The following ENAH variants were observed in gnomAD, a reference collection of about 807,000 sequenced individuals.
The protein encoded by ENAH is ENAH actin regulator.
ENAH carries 23 observed loss-of-function variants against 78.7 expected under a neutral mutation model. The ratio of observed to expected loss-of-function variants is 0.29; its 90% CI spans 0.21 to 0.41. The LOEUF (loss-of-function observed/expected upper bound fraction) is 0.41, where lower values mean the gene tolerates loss of function less well. Among genes scored for constraint, ENAH ranks in the 10% least tolerant of loss-of-function variants. The pLI, the probability that ENAH is intolerant of heterozygous loss-of-function variation, is 1.00. For missense variants in ENAH, 544 were observed against 691.0 expected (o/e 0.79, Z 2.39); for synonymous variants, 226 against 241.0 (o/e 0.94, Z 0.58).
At chr1:225,547,078 GT>G (rs397968121) in intron 3 of ENAH, among the ~76,000 whole-genome samples, 53 of 145,068 alleles carry the variant, frequency 3.7e-4, no homozygotes, top group African/African-American at 7.5e-4. Context: ...TTTTTGTTTT[GT>G]TTTTTTTTTT....
chr1:225,492,752 CCT>C lies in ENAH; in HGVS notation c.*5021_*5022del, dbSNP rs1335909328. The C allele has an allele frequency of 6.6e-6, 1 of 152,170 alleles. No individual in the cohort carries two copies. Among genetic ancestry groups the C allele is most frequent in the Non-Finnish European group, 1.5e-5 (1 of 68,038 alleles). 9.4% of individuals were successfully genotyped at this position (152,170 alleles called of 1,614,324 possible). ...TCTGTAACGGGGACAGTCCTATTTC[CCT>C]TTCTCAATTTTCAGATGTATCGATT... On this transcript the variant is annotated 3_prime_UTR_variant, in exon 14 of 14. Transcript: ENST00000366843.
intron 1 of ENAH, among the ~76,000 whole-genome samples, chr1:225,615,724 G>T (rs1402281182): frequency 1.8e-3 from 271 of 147,254 alleles, no homozygotes; most frequent in African/African-American, 6.7e-3. Flanking sequence ...GAGTGTCTCT[G>T]CCCGACCGCC....
At chr1:225,519,714 T>C (rs1210800440) in intron 4 of ENAH, 149 bp from the exon 5 acceptor site, 4 of 1,207,822 alleles carry the variant, frequency 3.3e-6, no homozygotes, top group Non-Finnish European at 4.6e-6. Flanking sequence ...AAGGCTACCT[T>C]GGATAGAGAC....
chr1:225,555,212 T>C, intron 2 of ENAH, 129 bp from the exon 3 acceptor site: 2 of 660,678 alleles, frequency 3.0e-6, no homozygotes, highest in Non-Finnish European at 4.7e-6. Context: ...GCTTAAACAA[T>C]TATCTGGGTA....
intron 10 of ENAH, among the ~76,000 whole-genome samples, 200 bp downstream of exon 10, chr1:225,511,611 T>C (rs906614174): frequency 6.6e-6 from 1 of 152,150 alleles, no homozygotes; most frequent in Non-Finnish European, 1.5e-5. Context: ...ATATTTTCCT[T>C]GTTTTAGTAA....
At chr1:225,622,918 T>G (rs994608506) in intron 1 of ENAH, among the ~76,000 whole-genome samples, 3 of 152,052 alleles carry the variant, frequency 2.0e-5, no homozygotes, top group Admixed American at 2.0e-4. Flanking sequence ...AGGAAAAAAC[T>G]AGAAGCAGTG....
chr1:225,500,916 G>T, intron 12 of ENAH, 76 bp downstream of exon 12: 1 of 1,301,110 alleles, frequency 7.7e-7, no homozygotes, highest in Non-Finnish European at 1.1e-6. Context: ...CAGGATCCAT[G>T]TCAAAGATAT....
Position 225,492,964 on chromosome 1 carries a change from ACT to A in ENAH, c.*4809_*4810del, listed in dbSNP as rs1402179450. 6.6e-6 allele frequency: 1 copy of A among 152,134 alleles called. No homozygotes were observed. The highest frequency in any genetic ancestry group is 1.5e-5 in the Non-Finnish European group (1 of 68,020). The allele number at this position is 152,134 out of a possible 1,614,324, so 9.4% of individuals were successfully genotyped here. A position where few individuals can be genotyped will look rare whatever the true frequency, so the allele number is the denominator to read the frequency against. ...ATGTGTCTCCTCACCAAAAGATTTTACTCTTATGTGACTTGACCATTAGTATT... is the reference window on the plus strand; with the variant it reads ...ATGTGTCTCCTCACCAAAAGATTTTACTTATGTGACTTGACCATTAGTATT... On this transcript the variant is annotated 3_prime_UTR_variant, in exon 14 of 14. Coordinates refer to ENST00000366843, the MANE Select transcript of ENAH (RefSeq NM_018212.6).
rs781553089 is a variant in ENAH, at chr1:225,492,911, ATTTAG to A, written c.*4859_*4863del. The A allele has an allele frequency of 5.0e-4, 76 of 151,458 alleles. No homozygotes were observed. Among genetic ancestry groups the A allele is most frequent in the Admixed American group, 1.9e-3 (29 of 15,248 alleles). The allele number at this position is 151,458 out of a possible 1,614,324, so 9.4% of individuals were successfully genotyped here. A position where few individuals can be genotyped will look rare whatever the true frequency, so the allele number is the denominator to read the frequency against. ...TAAAGAAAACTATTTAGAAAGACAA[ATTTAG>A]TTAATTCTTTAGCAGTTGTCAAATG... On this transcript the variant is annotated 3_prime_UTR_variant, in exon 14 of 14. Transcript: ENST00000366843.
chr1:225,582,343 T>C (rs754542150), intron 1 of ENAH, among the ~76,000 whole-genome samples: 1 of 152,228 alleles, frequency 6.6e-6, no homozygotes, highest in Non-Finnish European at 1.5e-5. Flanking sequence ...CTCAGGTATT[T>C]ATTTATAGCA....
intron 1 of ENAH, among the ~76,000 whole-genome samples, chr1:225,616,756 A>G (rs1453481084): frequency 6.6e-6 from 1 of 152,164 alleles, no homozygotes; most frequent in Non-Finnish European, 1.5e-5. Flanking sequence ...TTCAAAATTT[A>G]TGGTTACTGA....
chr1:225,601,362 CA>C (rs1287476472), intron 1 of ENAH, among the ~76,000 whole-genome samples: 1 of 151,780 alleles, frequency 6.6e-6, no homozygotes, highest in Non-Finnish European at 1.5e-5. Context: ...ACTAAAAATA[CA>C]AAAAATTAGC....
At chr1:225,579,834 T>C (rs1164910491) in intron 1 of ENAH, among the ~76,000 whole-genome samples, 3 of 152,320 alleles carry the variant, frequency 2.0e-5, no homozygotes, top group Admixed American at 6.5e-5. Context: ...CAAGTCAGTG[T>C]AGAAAAATAT....
rs1348740217 is a variant in ENAH at position 225,487,978 on chromosome 1, T to C, written c.*9797A>G. The C allele has an allele frequency of 6.6e-6, 1 of 151,908 alleles. No individual in the cohort carries two copies. Among genetic ancestry groups the C allele is most frequent in the Non-Finnish European group, 1.5e-5 (1 of 67,998 alleles). The allele number at this position is 151,908 out of a possible 1,614,324, so 9.4% of individuals were successfully genotyped here. ...GTATTTAACCTTCTAAATCTCATAA[T>C]AGAAATTATGTACGTTGTTCTTTAA... On this transcript the variant is annotated 3_prime_UTR_variant, in exon 14 of 14. Transcript: ENST00000366843.
chr1:225,559,168 C>G (rs2096685903), intron 2 of ENAH, among the ~76,000 whole-genome samples: 1 of 152,102 alleles, frequency 6.6e-6, no homozygotes, highest in African/African-American at 2.4e-5. Flanking sequence ...ACCAATTTTT[C>G]TTATTTCATC....
intron 11 of ENAH, among the ~76,000 whole-genome samples, chr1:225,503,547 AT>A (rs899584021): frequency 3.3e-4 from 49 of 150,644 alleles, no homozygotes; most frequent in African/African-American, 1.1e-3. Context: ...AAGTGCTGGG[AT>A]TATAGGCATG....
rs932794351 is a variant in ENAH, at chr1:225,496,988, T to G, written c.*787A>C. 3.9e-5 allele frequency: 6 copies of G among 152,640 alleles called. No homozygotes were observed. The highest frequency in any genetic ancestry group is 1.4e-4 in the African/African-American group (6 of 41,444). The allele number at this position is 152,640 out of a possible 1,614,324, so 9.5% of individuals were successfully genotyped here. On this transcript the variant is annotated 3_prime_UTR_variant, in exon 14 of 14. Coordinates refer to ENST00000366843, the MANE Select transcript of ENAH (RefSeq NM_018212.6). ...AAAAAGGTTGAAAACCTACAGTAAA[T>G]CTACAATATAGTGTTTACATTTGAC...
chr1:225,610,930 T>C (rs1479266200), intron 1 of ENAH, among the ~76,000 whole-genome samples: 2 of 152,100 alleles, frequency 1.3e-5, no homozygotes, highest in South Asian at 2.1e-4. Context: ...TAGAATAAAA[T>C]GAATGATACA....
chr1:225,634,632 C>G (rs1207884819), intron 1 of ENAH, among the ~76,000 whole-genome samples: 1 of 152,162 alleles, frequency 6.6e-6, no homozygotes, highest in East Asian at 1.9e-4. Flanking sequence ...TTGAAAAGAC[C>G]TGCGAATATC....
Sources: gnomAD v4.1 joint callset for allele counts (sites outside exome capture counted in the v4.1 genomes callset) on GRCh38, gnomAD v4.1.1 for gene constraint, MANE v1.5 for transcripts, NCBI Gene and HGNC (gene_info 2026-07-23, HGNC 2026-07-21) for gene names.